The following SMYD3 variants were observed in gnomAD, a reference collection of about 807,000 sequenced individuals.
SMYD3 encodes the protein SET and MYND domain containing 3.
SMYD3 carries 36 observed loss-of-function variants against 57.7 expected under a neutral mutation model. That is an observed-to-expected ratio of 0.62 (90% CI 0.48 to 0.82). The LOEUF (loss-of-function observed/expected upper bound fraction) is 0.82. SMYD3 is among the 40% of genes least tolerant of loss of function. The pLI is 0.00. For missense variants in SMYD3, 515 were observed against 538.8 expected (o/e 0.96, Z 0.44); for synonymous variants, 211 against 195.0 (o/e 1.08, Z -0.68).
At chr1:245,877,919 C>T (rs966065462) in intron 8 of SMYD3, among the ~76,000 whole-genome samples, 2 of 152,022 alleles carry the variant, frequency 1.3e-5, no homozygotes, top group Non-Finnish European at 2.9e-5. Flanking sequence ...TGAAGATATG[C>T]GACAGAGGAA....
chr1:246,311,998 G>T (rs1223964827), intron 5 of SMYD3, among the ~76,000 whole-genome samples: 1 of 152,154 alleles, frequency 6.6e-6, no homozygotes, highest in Non-Finnish European at 1.5e-5. Flanking sequence ...AGGCATAAAG[G>T]CAATGCAACA....
chr1:246,237,166 G>A (rs1425985170), intron 5 of SMYD3, among the ~76,000 whole-genome samples: 48 of 152,216 alleles, frequency 3.2e-4, no homozygotes, highest in Non-Finnish European at 1.0e-4. Context: ...TCATTTGGCA[G>A]ACAGGTTCTC....
At chr1:246,482,622 G>A (rs980770333) in intron 1 of SMYD3, among the ~76,000 whole-genome samples, 1 of 152,186 alleles carries the variant, frequency 6.6e-6, no homozygotes, top group Non-Finnish European at 1.5e-5. Flanking sequence ...CATACAGCGG[G>A]ATAAACAGCT....
At chr1:246,237,201 G>A (rs902113287) in intron 5 of SMYD3, among the ~76,000 whole-genome samples, 5 of 152,050 alleles carry the variant, frequency 3.3e-5, no homozygotes, top group African/African-American at 7.2e-5. Flanking sequence ...CATACTCCCC[G>A]ATATAACTGG....
chr1:245,828,760 G>A (rs1360236245), intron 10 of SMYD3, among the ~76,000 whole-genome samples: 2 of 151,448 alleles, frequency 1.3e-5, no homozygotes, highest in African/African-American at 2.4e-5. Flanking sequence ...GGAGTGCAGT[G>A]GCATGATCTC....
At chr1:246,481,625 T>TATATAC (rs1459254899) in intron 1 of SMYD3, among the ~76,000 whole-genome samples, 12 of 90,428 alleles carry the variant, frequency 1.3e-4, no homozygotes, top group African/African-American at 6.1e-4. Context: ...CATATATACA[T>TATATAC]ACATACATAC....
chr1:246,396,631 T>C (rs1418859551), intron 1 of SMYD3, among the ~76,000 whole-genome samples: 1 of 152,206 alleles, frequency 6.6e-6, no homozygotes, highest in African/African-American at 2.4e-5. Context: ...TCAAGCTGAA[T>C]TATAATCCCC....
intron 11 of SMYD3, among the ~76,000 whole-genome samples, chr1:245,757,787 T>G (rs2045672613): frequency 6.6e-6 from 1 of 152,196 alleles, no homozygotes; most frequent in Non-Finnish European, 1.5e-5. Context: ...GGTCTATATG[T>G]CCATCTATTC....
chr1:246,241,272 G>A (rs55639062), intron 5 of SMYD3, among the ~76,000 whole-genome samples: 31,443 of 151,972 alleles, frequency 0.21, 3,930 homozygotes, highest in East Asian at 0.58. Context: ...TCACATCAAT[G>A]CCTAGTTTAT....
At chr1:245,753,988 A>G (rs2045507263) in intron 11 of SMYD3, among the ~76,000 whole-genome samples, 2 of 152,172 alleles carry the variant, frequency 1.3e-5, no homozygotes, top group South Asian at 4.2e-4. Flanking sequence ...AAGAGCCTGC[A>G]CATAATCTTT....
At chr1:246,492,635 A>T (rs1436020649) in intron 1 of SMYD3, among the ~76,000 whole-genome samples, 1 of 152,214 alleles carries the variant, frequency 6.6e-6, no homozygotes, top group Non-Finnish European at 1.5e-5. Flanking sequence ...CATGACCAAC[A>T]AGTAAGGCCA....
chr1:245,855,192 C>T (rs977404474), intron 10 of SMYD3, among the ~76,000 whole-genome samples: 6 of 152,116 alleles, frequency 3.9e-5, no homozygotes, highest in African/African-American at 1.2e-4. Flanking sequence ...TCTTCAAAGC[C>T]GGAAACACCC....
At chr1:245,969,946 GAA>G (rs1354871177) in intron 5 of SMYD3, among the ~76,000 whole-genome samples, 1 of 151,952 alleles carries the variant, frequency 6.6e-6, no homozygotes, top group Non-Finnish European at 1.5e-5. Context: ...TTTCTTCAGA[GAA>G]ATAGAAAGAA....
chr1:245,872,862 C>G (rs1180700899), intron 8 of SMYD3, among the ~76,000 whole-genome samples: 2 of 152,222 alleles, frequency 1.3e-5, no homozygotes, highest in Non-Finnish European at 2.9e-5. Flanking sequence ...GGAAACGGAG[C>G]ACAGCCTTGA....
chr1:246,315,683 T>C (rs1000063360), intron 5 of SMYD3, among the ~76,000 whole-genome samples: 2 of 152,258 alleles, frequency 1.3e-5, no homozygotes, highest in Non-Finnish European at 2.9e-5. Flanking sequence ...TTTTGTCCTT[T>C]CTTCATCATG....
chr1:245,956,365 C>A (rs2057841077), intron 5 of SMYD3, among the ~76,000 whole-genome samples: 1 of 152,216 alleles, frequency 6.6e-6, no homozygotes. Context: ...CCAGCACATG[C>A]TCAGATGCTC....
At chr1:246,385,140 T>C (rs901618564) in intron 1 of SMYD3, among the ~76,000 whole-genome samples, 2 of 152,216 alleles carry the variant, frequency 1.3e-5, no homozygotes, top group African/African-American at 4.8e-5. Flanking sequence ...AAAATTTATC[T>C]TTTGTCTCCA....
chr1:246,087,517 A>G (rs2060740271), intron 5 of SMYD3, among the ~76,000 whole-genome samples: 1 of 152,192 alleles, frequency 6.6e-6, no homozygotes, highest in Non-Finnish European at 1.5e-5. Flanking sequence ...CAAGGAAAAA[A>G]AATCTCAGAG....
chr1:246,144,017 T>C (rs550780218), intron 5 of SMYD3, among the ~76,000 whole-genome samples: 29 of 152,348 alleles, frequency 1.9e-4, no homozygotes, highest in African/African-American at 7.0e-4. Flanking sequence ...TTGATAACTT[T>C]AGCTGGAGGA....
Sources: allele counts gnomAD v4.1 joint callset (sites outside exome capture counted in the v4.1 genomes callset), GRCh38; gene constraint gnomAD v4.1.1; transcripts MANE v1.5; gene names NCBI Gene and HGNC (gene_info 2026-07-23, HGNC 2026-07-21).